OR56A3: variants seen among roughly 807,000 people sequenced by gnomAD.
OR56A3 encodes the protein olfactory receptor 56A3.
OR56A3 carries 23 observed loss-of-function variants against 17.5 expected under a neutral mutation model. The ratio of observed to expected loss-of-function variants is 1.32; its 90% CI spans 0.95 to 1.87. The LOEUF (loss-of-function observed/expected upper bound fraction) is 1.87, where lower values mean the gene tolerates loss of function less well. OR56A3 is among the 40% of genes most tolerant of loss of function. OR56A3 has a pLI of 0.00. For missense variants in OR56A3, 366 were observed against 380.1 expected, an observed-to-expected ratio of 0.96 and a Z score of 0.31; for synonymous variants, 175 against 150.6, an observed-to-expected ratio of 1.16 and a Z score of -1.19.
chr11:5,977,380 C>T, the OR56A3 span, among the ~76,000 whole-genome samples: 1 of 152,018 alleles, frequency 6.6e-6, no homozygotes, highest in Non-Finnish European at 1.5e-5. Context: ...CTATCTGTTA[C>T]TTTTTGGCTT....
the OR56A3 span, among the ~76,000 whole-genome samples, chr11:5,957,787 C>T: frequency 6.6e-6 from 1 of 152,068 alleles, no homozygotes; most frequent in East Asian, 1.9e-4. Flanking sequence ...TTTTCTCTTC[C>T]AAGTGCTAGA....
the OR56A3 span, chr11:5,986,725 A>G: frequency 7.4e-6 from 12 of 1,613,886 alleles, no homozygotes; most frequent in Non-Finnish European, 1.0e-5. Context: ...GGATGGGTCC[A>G]TCCAGATGAT....
chr11:5,948,095 T>C lies in OR56A3; in HGVS notation c.749T>C (p.Met250Thr), dbSNP rs1290368629. The C allele has an allele frequency of 1.2e-6, 2 of 1,614,136 alleles. No individual in the cohort carries two copies. The highest frequency in any genetic ancestry group is 1.3e-5 in the African/African-American group (1 of 74,944). ...CTAAGCACATGTGGCTCCCACTTCATGCTCATCCTCTTCTTCAGCACCATC... is the reference window on the plus strand; with the variant it reads ...CTAAGCACATGTGGCTCCCACTTCACGCTCATCCTCTTCTTCAGCACCATC... ...KALSTCGSHF[M>T]LILFFSTILL... is the part of the protein sequence containing the mutation. The change falls in exon 3 of 3, where the codon ATG becomes ACG. Residue 250 changes from methionine (M) to threonine (T), a missense_variant. Physicochemically the swap from Met to Thr is moderately conservative, Grantham distance 81. Coordinates refer to ENST00000641160, the MANE Select transcript of OR56A3 (RefSeq NM_001003443.3).
the OR56A3 span, among the ~76,000 whole-genome samples, chr11:6,010,889 T>C: frequency 6.6e-6 from 1 of 151,946 alleles, no homozygotes; most frequent in South Asian, 2.1e-4. Context: ...GTCTGCCCCT[T>C]CATTAAAAGT....
At chr11:6,005,146 A>G in the OR56A3 span, among the ~76,000 whole-genome samples, 1 of 152,184 alleles carries the variant, frequency 6.6e-6, no homozygotes, top group African/African-American at 2.4e-5. Flanking sequence ...TTTCTCACAA[A>G]TGAAATAGAA....
the OR56A3 span, among the ~76,000 whole-genome samples, chr11:6,008,353 A>C: frequency 6.6e-6 from 1 of 152,196 alleles, no homozygotes; most frequent in Non-Finnish European, 1.5e-5. Flanking sequence ...GGAAGCATCA[A>C]ATAAAGTTAG....
chr11:5,967,204 C>A, the OR56A3 span: 1 of 197,780 alleles, frequency 5.1e-6, no homozygotes, highest in Non-Finnish European at 1.0e-5. Context: ...ATGTATTAAA[C>A]AATACAGGAA....
the OR56A3 span, among the ~76,000 whole-genome samples, chr11:5,995,168 G>T: frequency 6.6e-6 from 1 of 152,246 alleles, no homozygotes; most frequent in Admixed American, 6.5e-5. Flanking sequence ...CTGCTGTGCA[G>T]GTAGGAGAGT....
chr11:5,947,097 A>G (rs1417982811), intron 2 of OR56A3, among the ~76,000 whole-genome samples: 1 of 152,264 alleles, frequency 6.6e-6, no homozygotes, highest in African/African-American at 2.4e-5. Flanking sequence ...ACATTGAATA[A>G]AGTAAACATG....
chr11:5,983,661 C>T, the OR56A3 span, among the ~76,000 whole-genome samples: 2 of 152,152 alleles, frequency 1.3e-5, no homozygotes, highest in Non-Finnish European at 2.9e-5. Context: ...ACAAGGGGGA[C>T]ATATGGGAGT....
the OR56A3 span, among the ~76,000 whole-genome samples, chr11:5,969,977 A>C: frequency 4.6e-5 from 7 of 152,366 alleles, no homozygotes; most frequent in African/African-American, 1.4e-4. Context: ...CTAAGACTGC[A>C]CTATCTGTTC....
downstream of OR56A3, among the ~76,000 whole-genome samples, chr11:5,956,215 T>A (rs1281265201): frequency 6.6e-6 from 1 of 152,250 alleles, no homozygotes; most frequent in Non-Finnish European, 1.5e-5. Flanking sequence ...AATATAATGA[T>A]TCTGATGATT....
At chr11:5,971,266 C>G in the OR56A3 span, among the ~76,000 whole-genome samples, 1 of 152,192 alleles carries the variant, frequency 6.6e-6, no homozygotes, top group Non-Finnish European at 1.5e-5. Context: ...AAGAGAATGT[C>G]TTAGAGATCT....
the OR56A3 span, among the ~76,000 whole-genome samples, chr11:5,988,357 A>G: frequency 6.6e-6 from 1 of 152,172 alleles, no homozygotes; most frequent in East Asian, 1.9e-4. Flanking sequence ...TAATTATAAC[A>G]TAGCATGGTG....
the OR56A3 span, among the ~76,000 whole-genome samples, chr11:6,015,547 T>A: frequency 9.8e-5 from 15 of 152,320 alleles, no homozygotes; most frequent in South Asian, 3.1e-3. Context: ...CCATAGGAAC[T>A]CAATGCCAGC....
the OR56A3 span, chr11:6,019,559 G>C: frequency 0.7 from 107,113 of 151,970 alleles, 38,027 homozygotes; most frequent in East Asian, 0.94. Context: ...TGGGTGGTGG[G>C]AGGAAAAGAG....
the OR56A3 span, among the ~76,000 whole-genome samples, chr11:5,985,462 C>A: frequency 6.6e-6 from 1 of 152,208 alleles, no homozygotes; most frequent in African/African-American, 2.4e-5. Flanking sequence ...TTTTCTTACA[C>A]TGCGACCTTC....
chr11:6,002,072 T>C, the OR56A3 span: 5 of 1,595,182 alleles, frequency 3.1e-6, no homozygotes, highest in East Asian at 6.7e-5. Context: ...TCAGCAGGTT[T>C]TGGATTCCCT....
chr11:6,009,977 C>A, the OR56A3 span, among the ~76,000 whole-genome samples: 2 of 152,224 alleles, frequency 1.3e-5, no homozygotes, highest in East Asian at 3.9e-4. Context: ...TCCATTTTAT[C>A]AGTTCTCAAC....
Sources: allele counts gnomAD v4.1 joint callset (sites outside exome capture counted in the v4.1 genomes callset), GRCh38; gene constraint gnomAD v4.1.1; transcripts MANE v1.5; gene names NCBI Gene and HGNC (gene_info 2026-07-23, HGNC 2026-07-21).